The following DBX2 variants were observed in gnomAD, a reference collection of about 807,000 sequenced individuals.
The protein encoded by DBX2 is developing brain homeobox 2.
Under a neutral mutation model 17.7 loss-of-function variants are expected in DBX2, and 16 were observed. The observed-to-expected ratio is 0.90, with a 90% CI of 0.61 to 1.37. The LOEUF (loss-of-function observed/expected upper bound fraction) is 1.37, where lower values mean the gene tolerates loss of function less well. Ranked by LOEUF, DBX2 falls within the 40% of genes most tolerant of loss-of-function variation. The pLI, the probability that DBX2 is intolerant of heterozygous loss-of-function variation, is 0.00. For missense variants in DBX2, 538 were observed against 433.8 expected (o/e 1.24, Z -2.13); for synonymous variants, 255 against 183.8 (o/e 1.39, Z -3.13).
rs890961184 is a variant in DBX2 at position 45,014,729 on chromosome 12, C to A, written c.*1557G>T. 1 of 152,066 alleles carries A rather than the reference C, an allele frequency of 6.6e-6. No homozygotes were observed. The highest frequency in any genetic ancestry group is 2.4e-5 in the African/African-American group (1 of 41,406). 9.4% of individuals were successfully genotyped at this position (152,066 alleles called of 1,614,324 possible). A position where few individuals can be genotyped will look rare whatever the true frequency, so the allele number is the denominator to read the frequency against. On this transcript the variant is annotated 3_prime_UTR_variant, in exon 4 of 4. Transcript: ENST00000332700. Reference sequence around the variant, plus strand: ...TGTCAGCAGATCCCTGCTCCCATTCCCCACAATGAGGCACTGAGACACACT... The same window carrying A: ...TGTCAGCAGATCCCTGCTCCCATTCACCACAATGAGGCACTGAGACACACT...
intron 1 of DBX2, among the ~76,000 whole-genome samples, chr12:45,044,852 T>C (rs1038346340): frequency 6.6e-6 from 1 of 152,086 alleles, no homozygotes; most frequent in African/African-American, 2.4e-5. Flanking sequence ...CTATGGTAAC[T>C]TTATATAGAG....
At chr12:45,026,538 A>G (rs947553737) in intron 2 of DBX2, among the ~76,000 whole-genome samples, 11 of 152,220 alleles carry the variant, frequency 7.2e-5, no homozygotes, top group Non-Finnish European at 1.0e-4. Context: ...TTTCAAACCC[A>G]GGAGACAGAT....
chr12:45,041,899 A>G (rs944900315), intron 1 of DBX2, among the ~76,000 whole-genome samples: 2 of 152,132 alleles, frequency 1.3e-5, no homozygotes, highest in African/African-American at 4.8e-5. Flanking sequence ...TTTCTCAGTT[A>G]CTCCAAGTTC....
chr12:45,029,087 T>C (rs1946395896), intron 2 of DBX2, among the ~76,000 whole-genome samples: 1 of 152,212 alleles, frequency 6.6e-6, no homozygotes, highest in Non-Finnish European at 1.5e-5. Flanking sequence ...ATTTTATGTC[T>C]CCAAAACACA....
chr12:45,050,552 C>A lies in DBX2; in HGVS notation c.376G>T (p.Asp126Tyr). ...RLPGRAPGDR[D>Y]CTFQPSAPAP... ...GGCGCTGAAGGCTGGAAGGTACAGT[C>A]TCGGTCCCCCGGAGCCCGGCCCGGC... is the stretch of plus-strand genomic sequence containing the variant. Residue 126 changes from aspartate (D) to tyrosine (Y), a missense_variant, in exon 1 of 4, where the codon GAC (aspartate) becomes TAC (tyrosine). By Grantham distance (160) the Asp-to-Tyr change is radical (BLOSUM62 -3). Transcript: ENST00000332700. The A allele has an allele frequency of 6.4e-7, 1 of 1,552,984 alleles. No individual in the cohort carries two copies. The highest frequency in any genetic ancestry group is 8.7e-7 in the Non-Finnish European group (1 of 1,149,158).
Position 45,016,316 on chromosome 12 carries a change from T to G in DBX2, c.990A>C (p.Gly330=). The change falls in exon 4 of 4, where the codon GGA becomes GGC. Residue 330 remains glycine (G), a synonymous_variant. Transcript: ENST00000332700. ...ALYLCSEEEA[G]SKGVLTGAV ...CAGCCCCAGTAAGTACACCCTTGCT[T>G]CCAGCTTCTTCTTCAGAACATAAAT... 6.3e-7 allele frequency: 1 copy of G among 1,594,108 alleles called. No individual in the cohort carries two copies. The highest frequency in any genetic ancestry group is 8.5e-7 in the Non-Finnish European group (1 of 1,171,668).
In DBX2 at chr12:45,041,768, T is replaced by A. The variant is rs78133656; in HGVS notation, c.404-5654A>T. On this transcript the variant is annotated intron_variant, in intron 1 of 3. Transcript: ENST00000332700. ...TGCCTATCTGTCAAGTGCTGAGCAC[T>A]GCACTGTGTGCTGGGACTACAAAGA... is the stretch of plus-strand genomic sequence containing the variant. Among the ~76,000 whole-genome samples, 4 of 152,232 alleles carry A rather than the reference T, an allele frequency of 2.6e-5. No homozygotes were observed. In the South Asian group the frequency reaches 6.2e-4, roughly 24 times the overall value.
At chr12:45,044,948 A>G (rs1946491885) in intron 1 of DBX2, among the ~76,000 whole-genome samples, 1 of 152,218 alleles carries the variant, frequency 6.6e-6, no homozygotes, top group African/African-American at 2.4e-5. Flanking sequence ...AAGTGGAAAC[A>G]TTACTGAAAG....
At chr12:45,040,519 C>T (rs546112345) in intron 1 of DBX2, among the ~76,000 whole-genome samples, 2 of 152,246 alleles carry the variant, frequency 1.3e-5, no homozygotes, top group African/African-American at 4.8e-5. Flanking sequence ...TAAACTGGGG[C>T]TTGTCTGAAT....
Position 45,024,009 on chromosome 12 carries a change from A to C in DBX2, c.500-115T>G, listed in dbSNP as rs1188779625. 4 of 1,016,228 alleles carry C rather than the reference A, an allele frequency of 3.9e-6. No individual in the cohort carries two copies. The Admixed American group carries it at 1.4e-4, about 34-fold the overall frequency. The allele number at this position is 1,016,228 out of a possible 1,614,324, so 63.0% of individuals were successfully genotyped here. ...TACTATGGCCAAATGACCTCATTTC[A>C]ACTCTGCTCACTTAAAGCAGTACTT... On this transcript the variant is annotated intron_variant, in intron 2 of 3. Coordinates refer to ENST00000332700, the MANE Select transcript of DBX2 (RefSeq NM_001004329.3).
At position 45,016,041 on chromosome 12, in the gene DBX2, C is replaced by A. The variant is rs555635343; in HGVS notation, c.*245G>T. ...CACATACTCAGAGCAGGGACCGAGCCAGCTGTTGCTCTCCTTCTTTTCAGT... is the reference window on the plus strand; with the variant it reads ...CACATACTCAGAGCAGGGACCGAGCAAGCTGTTGCTCTCCTTCTTTTCAGT... On this transcript the variant is annotated 3_prime_UTR_variant, in exon 4 of 4. Transcript: ENST00000332700. 2 of 381,778 alleles carry A rather than the reference C, an allele frequency of 5.2e-6. No individual in the cohort carries two copies. Among genetic ancestry groups the A allele is most frequent in the Admixed American group, 4.2e-5 (1 of 23,578 alleles). The allele number at this position is 381,778 out of a possible 1,614,324, so 23.6% of individuals were successfully genotyped here.
At chr12:45,022,943 A>G (rs1473231723) in intron 3 of DBX2, among the ~76,000 whole-genome samples, 1 of 152,166 alleles carries the variant, frequency 6.6e-6, no homozygotes, top group Non-Finnish European at 1.5e-5. Flanking sequence ...TTACTACATG[A>G]TATAGGACCT....
rs140995468 is a variant in DBX2 at position 45,023,830 on chromosome 12, T to C, written c.564A>G (p.Leu188=). ...DSNSKARRGI[L]RRAVFSEDQR... ...GGTCCTCAGAAAAGACAGCTCTTCT[T>C]AAAATGCCCCTCCGAGCTTTGGAAT... Residue 188 remains leucine, a synonymous_variant, in exon 3 of 4, where the codon TTA becomes TTG. Transcript: ENST00000332700. 3.1e-6 allele frequency: 5 copies of C among 1,610,034 alleles called. No individual in the cohort carries two copies. The highest frequency in any genetic ancestry group is 4.2e-6 in the Non-Finnish European group (5 of 1,178,436).
At chr12:45,034,761 A>C (rs1395352993) in intron 2 of DBX2, among the ~76,000 whole-genome samples, 1 of 152,224 alleles carries the variant, frequency 6.6e-6, no homozygotes, top group Non-Finnish European at 1.5e-5. Context: ...CAAGTGCTTT[A>C]AATGGTGTCC....
chr12:45,042,472 G>A (rs529398403), intron 1 of DBX2, among the ~76,000 whole-genome samples: 36 of 152,312 alleles, frequency 2.4e-4, no homozygotes, highest in African/African-American at 8.2e-4. Context: ...GGCAAGGATG[G>A]TGTTAACACA....
chr12:45,041,874 G>A (rs1946473355), intron 1 of DBX2, among the ~76,000 whole-genome samples: 1 of 152,144 alleles, frequency 6.6e-6, no homozygotes, highest in African/African-American at 2.4e-5. Flanking sequence ...GCTGGTTAAT[G>A]AAATGAAATG....
chr12:45,050,044 C>A (rs1201531534), intron 1 of DBX2, among the ~76,000 whole-genome samples: 5 of 152,028 alleles, frequency 3.3e-5, no homozygotes, highest in African/African-American at 1.2e-4. Context: ...CTGAGCTACC[C>A]CGACCATCCT....
chr12:45,018,465 C>T (rs976231041), intron 3 of DBX2, among the ~76,000 whole-genome samples: 1 of 151,736 alleles, frequency 6.6e-6, no homozygotes, highest in Non-Finnish European at 1.5e-5. Flanking sequence ...GATTAAATAG[C>T]TAAATATAAA....
chr12:45,044,060 C>T (rs1468954205), intron 1 of DBX2, among the ~76,000 whole-genome samples: 3 of 152,066 alleles, frequency 2.0e-5, no homozygotes, highest in African/African-American at 7.2e-5. Flanking sequence ...TTGCCATTTA[C>T]ACGTTGGAGC....
Sources: gnomAD v4.1 joint callset for allele counts (sites outside exome capture counted in the v4.1 genomes callset) on GRCh38, gnomAD v4.1.1 for gene constraint, MANE v1.5 for transcripts, NCBI Gene and HGNC (gene_info 2026-07-23, HGNC 2026-07-21) for gene names.